The following DVL1 variants were observed in gnomAD, a reference collection of about 807,000 sequenced individuals.
DVL1 encodes segment polarity protein dishevelled homolog DVL-1.
Under a neutral mutation model 65.0 loss-of-function variants are expected in DVL1, and 49 were observed. That is an observed-to-expected ratio of 0.75 (90% CI 0.60 to 0.96). DVL1 has a LOEUF of 0.96. DVL1 is among the 40% of genes least tolerant of loss of function. The pLI is 0.00. For synonymous variants in DVL1, 608 were observed against 433.9 expected (o/e 1.40, Z -4.99); for missense variants, 1,197 against 1,045.4 (o/e 1.15, Z -2.00).
At chr1:1,346,162 A>G (rs954183904) in intron 1 of DVL1, among the ~76,000 whole-genome samples, 1 of 152,138 alleles carries the variant, frequency 6.6e-6, no homozygotes, top group Non-Finnish European at 1.5e-5. Flanking sequence ...CAGGCCAGGC[A>G]GAGCCTCCCC....
chr1:1,346,858 C>G (rs1350572605), intron 1 of DVL1, among the ~76,000 whole-genome samples: 4 of 152,234 alleles, frequency 2.6e-5, no homozygotes, highest in Non-Finnish European at 4.4e-5. Flanking sequence ...CTCTTCCCCC[C>G]ATCTCCAACT....
At position 1,341,655 on chromosome 1, in the gene DVL1, A is replaced by T; in HGVS notation, c.605+12T>A. On this transcript the variant is annotated intron_variant, in intron 5 of 14. Coordinates refer to ENST00000378888, the MANE Select transcript of DVL1 (RefSeq NM_001330311.2). The stretch of plus-strand genomic sequence containing the variant: ...CACACAGGCATACACGCCCACAGAC[A>T]CTCCCACACACCTGCTCGTGCTGCC... 1 of 1,590,940 alleles carries T rather than the reference A, an allele frequency of 6.3e-7. No homozygotes were observed. The highest frequency in any genetic ancestry group is 8.6e-7 in the Non-Finnish European group (1 of 1,162,888).
Position 1,340,424 on chromosome 1 carries a change from G to A in DVL1, c.685C>T (p.Arg229Trp), listed in dbSNP as rs144365982. The A allele has an allele frequency of 1.1e-5, 18 of 1,612,302 alleles. No homozygotes were observed. The highest frequency in any genetic ancestry group is 2.7e-5 in the African/African-American group (2 of 74,928). The change falls in exon 6 of 15, where the codon CGG (arginine) becomes TGG (tryptophan). Residue 229 changes from arginine to tryptophan, a missense_variant. Physicochemically the swap from Arg to Trp is moderately radical, Grantham distance 101. Coordinates refer to ENST00000378888, the MANE Select transcript of DVL1 (RefSeq NM_001330311.2). Reference sequence around the variant, plus strand: ...CGGCTGCCTACCCGGTCCGCCTGCCGAAGGCGCTGCTTCCTCCGCCGGCGT... The same window carrying A: ...CGGCTGCCTACCCGGTCCGCCTGCCAAAGGCGCTGCTTCCTCCGCCGGCGT... ...HKRRRRKQRL[R>W]QADRASSFSS...
chr1:1,343,364 T>C (rs1377530204), intron 1 of DVL1, among the ~76,000 whole-genome samples: 1 of 151,788 alleles, frequency 6.6e-6, no homozygotes, highest in East Asian at 1.9e-4. Context: ...CCCCAGGCTA[T>C]TCCCTGTCCC....
chr1:1,348,504 G>A (rs991069386), intron 1 of DVL1, among the ~76,000 whole-genome samples: 1 of 152,172 alleles, frequency 6.6e-6, no homozygotes, highest in African/African-American at 2.4e-5. Context: ...GTACCCCCAT[G>A]TCTCCCCATC....
intron 1 of DVL1, 29 bp downstream of exon 1, chr1:1,348,867 G>T: frequency 6.7e-7 from 1 of 1,500,672 alleles, no homozygotes; most frequent in Admixed American, 2.1e-5. Flanking sequence ...GCCCGCGCCA[G>T]GCTCGCGCAG....
rs1221154479 is a variant in DVL1, at chr1:1,338,624, T to G, written c.1237A>C (p.Ser413Arg). ...ACCCGGACGACGGCGCTCATGTCAC[T>G]CTTCACCGTCAGCGGCGCCTCTTCC... ...QLEEAPLTVKSDMSAVVRVMQ... is the reference protein window; with the variant it reads ...QLEEAPLTVKRDMSAVVRVMQ... Residue 413 changes from serine to arginine, a missense_variant, in exon 12 of 15, where the codon AGT becomes CGT. Transcript: ENST00000378888. 6.2e-7 allele frequency: 1 copy of G among 1,611,572 alleles called. No homozygotes were observed. The highest frequency in any genetic ancestry group is 1.1e-5 in the South Asian group (1 of 91,080).
Position 1,336,270 on chromosome 1 carries a change from C to A in DVL1, c.1960G>T (p.Val654Leu). The A allele has an allele frequency of 2.6e-6, 4 of 1,564,368 alleles. No individual in the cohort carries two copies. Among genetic ancestry groups the A allele is most frequent in the Non-Finnish European group, 3.4e-6 (4 of 1,161,572 alleles). Reference sequence around the variant, plus strand: ...GGGGGTCCCCCGGGTGGCCCCCCCACCACTGTATAGGCCTTGGTCGTGGGG... The same window carrying A: ...GGGGGTCCCCCGGGTGGCCCCCCCAACACTGTATAGGCCTTGGTCGTGGGG... ...PHPTTKAYTV[V>L]GGPPGGPPVR... Residue 654 changes from valine to leucine, a missense_variant, in exon 15 of 15, where the codon GTG (valine) becomes TTG (leucine). By Grantham distance (32) the Val-to-Leu change is conservative. Coordinates refer to ENST00000378888, the MANE Select transcript of DVL1 (RefSeq NM_001330311.2).
rs1318990865 is a variant in DVL1, at chr1:1,338,616, C to T, written c.1245G>A (p.Met415Ile). ...GCTGCATGACCCGGACGACGGCGCT[C>T]ATGTCACTCTTCACCGTCAGCGGCG... ...EEAPLTVKSD[M>I]SAVVRVMQLP... The change falls in exon 12 of 15, where the codon ATG becomes ATA. Residue 415 changes from methionine (M) to isoleucine (I), a missense_variant. Met to Ile is a conservative substitution (Grantham distance 10). Transcript: ENST00000378888. The T allele has an allele frequency of 1.6e-5, 25 of 1,611,944 alleles. No homozygotes were observed. The highest frequency in any genetic ancestry group is 2.0e-5 in the Non-Finnish European group (24 of 1,179,854).
chr1:1,348,911 A>G lies in DVL1; in HGVS notation c.155T>C (p.Met52Thr), dbSNP rs777294239. 5 of 1,565,104 alleles carry G rather than the reference A, an allele frequency of 3.2e-6. No individual in the cohort carries two copies. In the South Asian group the frequency reaches 4.5e-5, roughly 14 times the overall value. ...VHAYKFFFKS[M>T]DQDFGVVKEE... The stretch of plus-strand genomic sequence containing the variant: ...GCCGACTGACCCGAAGTCCTGGTCC[A>G]TGGACTTAAAGAAGAATTTGTAGGC... The change falls in exon 1 of 15, where the codon ATG (methionine) becomes ACG (threonine). Residue 52 changes from methionine (M) to threonine (T), a missense_variant. Met to Thr is a moderately conservative substitution (Grantham distance 81). Transcript: ENST00000378888.
At position 1,338,606 on chromosome 1, in the gene DVL1, C is replaced by T. The variant is rs1051356744; in HGVS notation, c.1255G>A (p.Val419Ile). The T allele has an allele frequency of 2.4e-5, 39 of 1,612,010 alleles. No individual in the cohort carries two copies. Among genetic ancestry groups the T allele is most frequent in the Non-Finnish European group, 3.0e-5 (35 of 1,179,868 alleles). The part of the protein sequence containing the change: ...LTVKSDMSAV[V>I]RVMQLPDSGL... ...GAGTCTGGCAGCTGCATGACCCGGA[C>T]GACGGCGCTCATGTCACTCTTCACC... Residue 419 changes from valine to isoleucine, a missense_variant, in exon 12 of 15, where the codon GTC becomes ATC. By Grantham distance (29) the Val-to-Ile change is conservative. Transcript: ENST00000378888.
chr1:1,346,931 G>A (rs943880354), intron 1 of DVL1, among the ~76,000 whole-genome samples: 1 of 152,194 alleles, frequency 6.6e-6, no homozygotes, highest in Non-Finnish European at 1.5e-5. Flanking sequence ...AAGTATTACT[G>A]ACCAACCAGC....
intron 8 of DVL1, 60 bp from the exon 9 acceptor site, chr1:1,339,872 G>GCAGCCCCCA: frequency 1.4e-6 from 1 of 693,578 alleles, no homozygotes. Context: ...CACCGCCCCC[G>GCAGCCCCCA]CAGACCCACC....
At chr1:1,337,862 G>A (rs1482023045) in intron 14 of DVL1, 115 bp downstream of exon 14, 2 of 820,748 alleles carry the variant, frequency 2.4e-6, no homozygotes. Flanking sequence ...GGGGTGGGGT[G>A]GAGCTGGGGG....
At chr1:1,344,721 G>A (rs1194157120) in intron 1 of DVL1, among the ~76,000 whole-genome samples, 2 of 152,184 alleles carry the variant, frequency 1.3e-5, no homozygotes, top group Non-Finnish European at 2.9e-5. Context: ...CACAGTGAGA[G>A]GCTGTCACAC....
chr1:1,349,128 C>T lies in DVL1; in HGVS notation c.-63G>A. The T allele has an allele frequency of 1.0e-6, 1 of 961,328 alleles. No individual in the cohort carries two copies. Among genetic ancestry groups the T allele is most frequent in the South Asian group, 4.7e-5 (1 of 21,494 alleles). The allele number at this position is 961,328 out of a possible 1,614,324, so 59.5% of individuals were successfully genotyped here. On this transcript the variant is annotated 5_prime_UTR_variant, in exon 1 of 15. The change abolishes the stop of an existing upstream ORF in the 5' untranslated region. Transcript: ENST00000378888. This position sits in a 1 kb window ranked among gnomAD's most constrained non-coding sequence, Gnocchi z 4.1. ...CGGCCCGGGGCTCGGACGCGGGGCG[C>T]TACCCGCCCGCCCGCCTGCGCCCCG...
Position 1,341,690 on chromosome 1 carries a change from C to G in DVL1, c.582G>C (p.Ser194=), listed in dbSNP as rs754779105. The G allele has an allele frequency of 1.2e-6, 2 of 1,609,018 alleles. No homozygotes were observed. The highest frequency in any genetic ancestry group is 1.7e-6 in the Non-Finnish European group (2 of 1,176,736). ...ACCTGCTCGTGCTGCCATCCTCGTC[C>G]GAGTCCACAAAGCTGCTGGACTCAA... ...SELESSSFVD[S]DEDGSTSRLS... The change falls in exon 5 of 15, where the codon TCG becomes TCC. Residue 194 remains serine, a synonymous_variant. Coordinates refer to ENST00000378888, the MANE Select transcript of DVL1 (RefSeq NM_001330311.2).
In DVL1 at chr1:1,338,055, G is replaced by A; in HGVS notation, c.1636C>T (p.Pro546Ser). The A allele has an allele frequency of 1.9e-6, 3 of 1,611,356 alleles. No individual in the cohort carries two copies. Among genetic ancestry groups the A allele is most frequent in the Non-Finnish European group, 2.5e-6 (3 of 1,179,410 alleles). ...TGGTAGGCAGGCGGGAAGCAGGGTG[G>A]GGGTCCCGGGTACTGGTAGGGGTAG... is the stretch of plus-strand genomic sequence containing the variant. Reference protein sequence around the residue: ...QGYPYQYPGPPPCFPPAYQDP... With the variant: ...QGYPYQYPGPSPCFPPAYQDP... The change falls in exon 14 of 15, where the codon CCA becomes TCA. Residue 546 changes from proline to serine, a missense_variant. Coordinates refer to ENST00000378888, the MANE Select transcript of DVL1 (RefSeq NM_001330311.2).
At chr1:1,340,843 A>AC (rs1557668702) in intron 5 of DVL1, among the ~76,000 whole-genome samples, 41 of 143,406 alleles carry the variant, frequency 2.9e-4, no homozygotes, top group African/African-American at 1.0e-3. Flanking sequence ...GCACACACGC[A>AC]ACCCTGCACA....
Sources: gnomAD v4.1 joint callset for allele counts (sites outside exome capture counted in the v4.1 genomes callset) on GRCh38, gnomAD v4.1.1 for gene constraint, Gnocchi (gnomAD v3.1) non-coding constraint, MANE v1.5 for transcripts, NCBI Gene and HGNC (gene_info 2026-07-23, HGNC 2026-07-21) for gene names.